LRGUK: variants seen among roughly 807,000 people sequenced by gnomAD.
LRGUK encodes the protein leucine-rich repeat and guanylate kinase domain-containing protein.
LRGUK carries 65 observed loss-of-function variants against 76.0 expected under a neutral mutation model. The observed-to-expected ratio is 0.85, with a 90% CI of 0.70 to 1.05. The LOEUF is 1.05. Ranked by LOEUF, LRGUK falls within the 50% of genes least tolerant of loss-of-function variation. The pLI is 0.00. For synonymous variants in LRGUK, 268 were observed against 265.6 expected (o/e 1.01, Z -0.09); for missense variants, 758 against 732.8 (o/e 1.03, Z -0.40).
Position 134,176,231 on chromosome 7 carries a change from G to A in LRGUK, c.1021-746G>A, listed in dbSNP as rs533596858. 5.9e-5 allele frequency among the ~76,000 whole-genome samples: 9 copies of A among 152,274 alleles called. No homozygotes were observed. The South Asian group carries it at 1.9e-3, about 32-fold the overall frequency. On this transcript the variant is annotated intron_variant, in intron 8 of 15. Transcript: ENST00000645682. Reference sequence around the variant, plus strand: ...ACATACCCTGGGGCCTGTCAGGGGCGGGAGGAGGGAGAGTATCAGGATAAA... The same window carrying A: ...ACATACCCTGGGGCCTGTCAGGGGCAGGAGGAGGGAGAGTATCAGGATAAA...
At chr7:134,196,858 T>C in intron 12 of LRGUK, 134 bp from the exon 13 acceptor site, 1 of 507,688 alleles carries the variant, frequency 2.0e-6, no homozygotes. Context: ...TTTACCCCAT[T>C]GTCATCCTTA....
intron 1 of LRGUK, among the ~76,000 whole-genome samples, chr7:134,132,944 G>C (rs1797374436): frequency 6.6e-6 from 1 of 152,204 alleles, no homozygotes; most frequent in Non-Finnish European, 1.5e-5. Context: ...CACAGCTTGA[G>C]AGTTATGGAG....
At chr7:134,193,892 G>A (rs374757902) in intron 12 of LRGUK, among the ~76,000 whole-genome samples, 1 of 152,028 alleles carries the variant, frequency 6.6e-6, no homozygotes, top group Non-Finnish European at 1.5e-5. Flanking sequence ...ACACCTTTCT[G>A]CTCTGACACG....
At chr7:134,253,008 C>A (rs1802485169) in intron 18 of LRGUK, among the ~76,000 whole-genome samples, 1 of 152,054 alleles carries the variant, frequency 6.6e-6, no homozygotes, top group Non-Finnish European at 1.5e-5. Context: ...TTGTATAGAC[C>A]CAATTGCATC....
At chr7:134,252,337 G>A (rs1802467601) in intron 18 of LRGUK, among the ~76,000 whole-genome samples, 2 of 123,406 alleles carry the variant, frequency 1.6e-5, no homozygotes, top group Admixed American at 1.6e-4. Flanking sequence ...GTCTCAAATA[G>A]ATAATTAAAT....
At chr7:134,220,301 G>T (rs574940083) in intron 15 of LRGUK, among the ~76,000 whole-genome samples, 1 of 152,156 alleles carries the variant, frequency 6.6e-6, no homozygotes, top group Admixed American at 6.5e-5. Flanking sequence ...CAAGACAGGG[G>T]CTAGGTGGAA....
intron 11 of LRGUK, among the ~76,000 whole-genome samples, chr7:134,189,770 A>C (rs1215549217): frequency 6.6e-6 from 1 of 152,246 alleles, no homozygotes; most frequent in Non-Finnish European, 1.5e-5. Flanking sequence ...CTGCTAAGGC[A>C]TGTGAAGAAA....
At chr7:134,143,428 C>T (rs190888931) in intron 4 of LRGUK, among the ~76,000 whole-genome samples, 6 of 152,236 alleles carry the variant, frequency 3.9e-5, no homozygotes, top group African/African-American at 1.4e-4. Context: ...CTCTTTCCCT[C>T]ATTTGAATAG....
chr7:134,172,797 C>T (rs1042587933), intron 7 of LRGUK, among the ~76,000 whole-genome samples: 1 of 151,940 alleles, frequency 6.6e-6, no homozygotes, highest in African/African-American at 2.4e-5. Context: ...GCCTGAGCAA[C>T]ATGGCAAAAC....
chr7:134,255,580 G>T (rs1285175913), intron 18 of LRGUK, among the ~76,000 whole-genome samples: 1 of 152,084 alleles, frequency 6.6e-6, no homozygotes, highest in Non-Finnish European at 1.5e-5. Flanking sequence ...TCTACCAGAG[G>T]TTTCTTTTTT....
chr7:134,199,841 T>G (rs1408540026), intron 14 of LRGUK, among the ~76,000 whole-genome samples: 1 of 150,920 alleles, frequency 6.6e-6, no homozygotes, highest in African/African-American at 2.4e-5. Context: ...AAAATAAACA[T>G]TTTCAGAAAC....
Position 134,158,184 on chromosome 7 carries a change from T to G in LRGUK, c.795+25T>G, listed in dbSNP as rs763731174. On this transcript the variant is annotated intron_variant, in intron 6 of 15. Transcript: ENST00000645682. ...GGTGAGTCTAACAAAATGCTGTTCT[T>G]TATAGAAGTAGTAGTTAATGCTTTT... 11 of 1,598,114 alleles carry G rather than the reference T, an allele frequency of 6.9e-6. No homozygotes were observed. In the East Asian group the frequency reaches 9.0e-5, roughly 13 times the overall value.
At chr7:134,231,726 TCCTC>T (rs1801902802) in intron 16 of LRGUK, among the ~76,000 whole-genome samples, 1 of 130,386 alleles carries the variant, frequency 7.7e-6, no homozygotes, top group African/African-American at 3.0e-5. Context: ...CTCCCTCTCT[TCCTC>T]CCTTCCTTCC....
chr7:134,191,648 A>G lies in LRGUK; in HGVS notation c.1335-7A>G, dbSNP rs1296951441. The stretch of plus-strand genomic sequence containing the variant: ...AATGGACTAGGTGATCTGTTTTATG[A>G]TTTCAGGGCCTGTCATACCACAAGA... On this transcript the variant is annotated splice_polypyrimidine_tract_variant and splice_region_variant and intron_variant, in intron 11 of 15. Coordinates refer to ENST00000645682, the Ensembl canonical transcript of LRGUK. 5 of 1,593,858 alleles carry G rather than the reference A, an allele frequency of 3.1e-6. No individual in the cohort carries two copies. Among genetic ancestry groups the G allele is most frequent in the Non-Finnish European group, 4.3e-6 (5 of 1,164,318 alleles).
intron 2 of LRGUK, among the ~76,000 whole-genome samples, chr7:134,137,607 GAA>G (rs11287619): frequency 7.8e-4 from 118 of 151,806 alleles, no homozygotes; most frequent in African/African-American, 2.6e-3. Flanking sequence ...TATCATTAAA[GAA>G]AAAAAAAATC....
At chr7:134,185,623 G>T (rs1007463027) in intron 11 of LRGUK, among the ~76,000 whole-genome samples, 1 of 151,760 alleles carries the variant, frequency 6.6e-6, no homozygotes, top group Non-Finnish European at 1.5e-5. Flanking sequence ...TACTTTTTGT[G>T]TATGGCAAAG....
At chr7:134,225,147 AAAC>A (rs1440004253) in intron 16 of LRGUK, among the ~76,000 whole-genome samples, 1 of 149,980 alleles carries the variant, frequency 6.7e-6, no homozygotes, top group Non-Finnish European at 1.5e-5. Flanking sequence ...AAAAAAAAAA[AAAC>A]CCACTCTGTG....
intron 10 of LRGUK, among the ~76,000 whole-genome samples, chr7:134,180,563 G>A (rs1400287440): frequency 6.6e-6 from 1 of 151,954 alleles, no homozygotes; most frequent in African/African-American, 2.4e-5. Flanking sequence ...GGGACACAGA[G>A]GAAGATGAAA....
intron 1 of LRGUK, among the ~76,000 whole-genome samples, chr7:134,130,107 T>C (rs544938660): frequency 2.0e-5 from 3 of 152,348 alleles, no homozygotes; most frequent in South Asian, 4.1e-4. Context: ...TACTTCCTTC[T>C]ACATGAGCTA....
Sources: gnomAD v4.1 joint callset for allele counts (sites outside exome capture counted in the v4.1 genomes callset) on GRCh38, gnomAD v4.1.1 for gene constraint, MANE v1.5 for transcripts, NCBI Gene and HGNC (gene_info 2026-07-23, HGNC 2026-07-21) for gene names.